Variants in PTPRQ observed in about 807,000 individuals in gnomAD.
The protein encoded by PTPRQ is protein tyrosine phosphatase receptor type Q, also known as phosphatidylinositol phosphatase PTPRQ.
PTPRQ carries 199 observed loss-of-function variants against 246.0 expected under a neutral mutation model. The observed-to-expected ratio is 0.81, with a 90% confidence interval of 0.72 to 0.91. The LOEUF (loss-of-function observed/expected upper bound fraction) is 0.91, where lower values mean the gene tolerates loss of function less well. Ranked by LOEUF, PTPRQ falls within the 40% of genes least tolerant of loss-of-function variation. The pLI is 0.00. For synonymous variants in PTPRQ, 869 were observed against 853.2 expected, an observed-to-expected ratio of 1.02 and a Z score of -0.32; for missense variants, 2,624 against 2,528.4, an observed-to-expected ratio of 1.04 and a Z score of -0.81.
intron 34 of PTPRQ, among the ~76,000 whole-genome samples, chr12:80,632,787 A>G (rs896319588): frequency 6.6e-6 from 1 of 152,176 alleles, no homozygotes; most frequent in Non-Finnish European, 1.5e-5. Context: ...GCTGTTCCGT[A>G]GAAGCTACCC....
chr12:80,495,425 T>C (rs1348276797), intron 12 of PTPRQ, 54 bp downstream of exon 12: 3 of 1,465,498 alleles, frequency 2.0e-6, no homozygotes, highest in East Asian at 2.5e-5. Context: ...ATTTCTATTC[T>C]GGTGGAAAAT....
chr12:80,672,919 A>C (rs1353233379), intron 42 of PTPRQ, among the ~76,000 whole-genome samples: 1 of 152,112 alleles, frequency 6.6e-6, no homozygotes, highest in African/African-American at 2.4e-5. Context: ...AAGAAATAAG[A>C]GGTTAAGTTC....
chr12:80,505,781 GTATCATCT>G (rs1305549899), intron 14 of PTPRQ, among the ~76,000 whole-genome samples: 22 of 151,996 alleles, frequency 1.4e-4, no homozygotes, highest in African/African-American at 3.6e-4. Flanking sequence ...TTTAGTAAAC[GTATCATCT>G]TATAACTGTT....
chr12:80,576,553 G>A lies in PTPRQ; in HGVS notation c.4286-11576G>A, dbSNP rs141280639. On this transcript the variant is annotated intron_variant, in intron 25 of 44. Transcript: ENST00000644991. ...TGTCCATCCATCCATTCATCTATCC[G>A]TCTGTTGATTTGTTCACTGATTCAC... Among the ~76,000 whole-genome samples, 37 of 151,948 alleles carry A rather than the reference G, an allele frequency of 2.4e-4. 2 individuals carry two copies. The East Asian group carries it at 2.9e-3, about 12-fold the overall frequency.
rs537529323 is a variant in PTPRQ, at chr12:80,581,514, G to T, written c.4286-6615G>T. On this transcript the variant is annotated intron_variant, in intron 25 of 44. Transcript: ENST00000644991. ...GTTGGGTGTGATGGCACACGCCTGTGATTCCAGCTACCCGAGAGACTGGGT... is the reference window on the plus strand; with the variant it reads ...GTTGGGTGTGATGGCACACGCCTGTTATTCCAGCTACCCGAGAGACTGGGT... Among the ~76,000 whole-genome samples, 145 of 152,068 alleles carry T rather than the reference G, an allele frequency of 9.5e-4. 2 individuals carry two copies. Among genetic ancestry groups the T allele is most frequent in the African/African-American group, 3.3e-3 (136 of 41,452 alleles).
At chr12:80,517,950 G>A (rs1366363852) in intron 17 of PTPRQ, among the ~76,000 whole-genome samples, 1 of 152,158 alleles carries the variant, frequency 6.6e-6, no homozygotes, top group Admixed American at 6.6e-5. Flanking sequence ...ACATGTAAGT[G>A]CAGATATCTC....
rs201786342 is a variant in PTPRQ at position 80,669,509 on chromosome 12, A to T, written c.6453+45A>T. 1,019 of 1,518,806 alleles carry T rather than the reference A, an allele frequency of 6.7e-4. 1 individual carries two copies. Among genetic ancestry groups the T allele is most frequent in the Non-Finnish European group, 8.1e-4 (919 of 1,135,962 alleles). 94.1% of individuals were successfully genotyped at this position (1,518,806 alleles called of 1,614,324 possible). On this transcript the variant is annotated intron_variant, in intron 41 of 44. Transcript: ENST00000644991. ...ACGAGAGAACATGATATAAAATATG[A>T]TTGATCTAAATGTCTAAAATAAAAT...
chr12:80,648,447 C>T (rs1357656818), intron 35 of PTPRQ, among the ~76,000 whole-genome samples: 2 of 152,178 alleles, frequency 1.3e-5, no homozygotes, highest in East Asian at 1.9e-4. Flanking sequence ...TATCCAAACT[C>T]ACTCATGAAA....
chr12:80,610,605 T>C lies in PTPRQ; in HGVS notation c.4898T>C (p.Ile1633Thr). 1 of 1,542,612 alleles carries C rather than the reference T, an allele frequency of 6.5e-7. No homozygotes were observed. The highest frequency in any genetic ancestry group is 8.8e-7 in the Non-Finnish European group (1 of 1,140,836). Reference sequence around the variant, plus strand: ...GAAGGGAAGTCAAGTGCTGAAATGATTGTTACTACTTTAGAATCAGGTAAG... The same window carrying C: ...GAAGGGAAGTCAAGTGCTGAAATGACTGTTACTACTTTAGAATCAGGTAAG... ...YVEGKSSAEMIVTTLESAPKD... is the reference protein window; with the variant it reads ...YVEGKSSAEMTVTTLESAPKD... Residue 1633 changes from isoleucine (I) to threonine (T), a missense_variant, in exon 28 of 45, where the codon ATT (isoleucine) becomes ACT (threonine). Coordinates refer to ENST00000644991, the MANE Select transcript of PTPRQ (RefSeq NM_001145026.2).
chr12:80,664,225 T>C (rs1302141860), intron 39 of PTPRQ, among the ~76,000 whole-genome samples: 2 of 151,952 alleles, frequency 1.3e-5, no homozygotes, highest in Non-Finnish European at 2.9e-5. Flanking sequence ...TCTAGGAGAT[T>C]CTTTCTCCTT....
At chr12:80,563,644 C>T (rs185095612) in intron 25 of PTPRQ, among the ~76,000 whole-genome samples, 1 of 152,184 alleles carries the variant, frequency 6.6e-6, no homozygotes, top group East Asian at 1.9e-4. Flanking sequence ...CTTTGTTATA[C>T]CCAAGGAGAG....
Position 80,679,160 on chromosome 12 carries a change from T to A in PTPRQ, c.*137T>A. The A allele has an allele frequency of 9.5e-7, 1 of 1,056,378 alleles. No homozygotes were observed. The highest frequency in any genetic ancestry group is 2.8e-5 in the East Asian group (1 of 35,522). 65.4% of individuals were successfully genotyped at this position (1,056,378 alleles called of 1,614,324 possible). A position where few individuals can be genotyped will look rare whatever the true frequency, so the allele number is the denominator to read the frequency against. ...CTCTCACTGTGCCTTTCCAAACGGA[T>A]TGAACATTTTAAGACTAGTTCTTGA... On this transcript the variant is annotated 3_prime_UTR_variant, in exon 45 of 45. Transcript: ENST00000644991.
intron 9 of PTPRQ, 55 bp from the exon 10 acceptor site, chr12:80,493,220 T>C: frequency 1.5e-6 from 2 of 1,362,710 alleles, no homozygotes; most frequent in Non-Finnish European, 1.9e-6. Flanking sequence ...ATACTTGATT[T>C]AAGTCATGAA....
In PTPRQ at chr12:80,506,085, A is replaced by G. The variant is rs1215923610; in HGVS notation, c.2334A>G (p.Leu778=). 4.5e-6 allele frequency: 7 copies of G among 1,546,832 alleles called. No individual in the cohort carries two copies. The highest frequency in any genetic ancestry group is 4.4e-6 in the Non-Finnish European group (5 of 1,144,914). ...YKNISSGEIE[L]SFLPPSSPNG... ...ATATTTCTTCTGGAGAGATTGAGCT[A>G]TCATTCCTTCCCCCAAGTAGTCCCA... The change falls in exon 15 of 45, where the codon CTA becomes CTG. Residue 778 remains leucine, a synonymous_variant. Coordinates refer to ENST00000644991, the MANE Select transcript of PTPRQ (RefSeq NM_001145026.2).
At chr12:80,656,035 A>C (rs1363015127) in intron 38 of PTPRQ, among the ~76,000 whole-genome samples, 1 of 152,202 alleles carries the variant, frequency 6.6e-6, no homozygotes, top group Non-Finnish European at 1.5e-5. Context: ...TAGTTGACTC[A>C]GATAGTTATA....
intron 38 of PTPRQ, among the ~76,000 whole-genome samples, chr12:80,653,132 C>T (rs1447133164): frequency 6.6e-6 from 1 of 152,126 alleles, no homozygotes; most frequent in Non-Finnish European, 1.5e-5. Context: ...TAACATCTTC[C>T]TACAGACCTA....
intron 17 of PTPRQ, among the ~76,000 whole-genome samples, chr12:80,523,155 G>T (rs1345242270): frequency 1.3e-5 from 2 of 152,180 alleles, no homozygotes; most frequent in East Asian, 3.8e-4. Context: ...TTGCATAGAG[G>T]TGTTTATAGT....
rs202010992 is a variant in PTPRQ, at chr12:80,506,722, AAC to A, written c.2557+57_2557+58del. On this transcript the variant is annotated intron_variant, in intron 16 of 44. Coordinates refer to ENST00000644991, the MANE Select transcript of PTPRQ (RefSeq NM_001145026.2). ...ACTTTGATTCTATAACATTCCAAGA[AAC>A]ACACGTATAGAATGAAACAATGTAA... 193 of 1,467,836 alleles carry A rather than the reference AAC, an allele frequency of 1.3e-4. No individual in the cohort carries two copies. The East Asian group carries it at 1.7e-3, about 13-fold the overall frequency. 90.9% of individuals were successfully genotyped at this position (1,467,836 alleles called of 1,614,324 possible).
At chr12:80,571,426 C>A (rs1348141946) in intron 25 of PTPRQ, among the ~76,000 whole-genome samples, 1 of 152,182 alleles carries the variant, frequency 6.6e-6, no homozygotes, top group Non-Finnish European at 1.5e-5. Context: ...GTGTGAGCCA[C>A]CACACCCAGC....
Sources: gnomAD v4.1 joint callset for allele counts (sites outside exome capture counted in the v4.1 genomes callset) on GRCh38, gnomAD v4.1.1 for gene constraint, MANE v1.5 for transcripts, NCBI Gene and HGNC (gene_info 2026-07-23, HGNC 2026-07-21) for gene names.